Variants in POFUT3 observed in about 807,000 individuals in gnomAD.
POFUT3 encodes GDP-fucose protein O-fucosyltransferase 3.
the POFUT3 span, among the ~76,000 whole-genome samples, chr8:33,385,608 G>A: frequency 2.0e-5 from 3 of 152,140 alleles, no homozygotes; most frequent in African/African-American, 4.8e-5. Flanking sequence ...AAGGCAGGGC[G>A]CAGTGGCTCA....
the POFUT3 span, among the ~76,000 whole-genome samples, chr8:33,318,733 ATATATATTTATATAATATATAAATATAT>A: frequency 1.3e-5 from 1 of 74,264 alleles, no homozygotes; most frequent in African/African-American, 5.7e-5. Flanking sequence ...TATATATTTT[ATATATATTTATATAATATATAAATATAT>A]TGTATATATA....
chr8:33,393,619 T>G, the POFUT3 span, among the ~76,000 whole-genome samples: 2 of 152,180 alleles, frequency 1.3e-5, no homozygotes. Flanking sequence ...GAAGGCAACA[T>G]ACATTATTAA....
At chr8:33,363,333 G>A in the POFUT3 span, among the ~76,000 whole-genome samples, 5 of 152,008 alleles carry the variant, frequency 3.3e-5, no homozygotes, top group East Asian at 3.8e-4. Context: ...ATCTAAAATC[G>A]ACACCCTAAC....
the POFUT3 span, among the ~76,000 whole-genome samples, chr8:33,441,756 T>C: frequency 2.0e-5 from 3 of 152,312 alleles, no homozygotes; most frequent in South Asian, 4.1e-4. Flanking sequence ...ATGAGAGATA[T>C]AGTTGTCTGC....
chr8:33,428,228 A>G, the POFUT3 span, among the ~76,000 whole-genome samples: 1 of 152,166 alleles, frequency 6.6e-6, no homozygotes, highest in South Asian at 2.1e-4. Flanking sequence ...TTCTTCCTTC[A>G]ACCATGGAGT....
At chr8:33,315,080 C>T in the POFUT3 span, among the ~76,000 whole-genome samples, 4 of 152,138 alleles carry the variant, frequency 2.6e-5, no homozygotes, top group Non-Finnish European at 5.9e-5. Flanking sequence ...TAGCTAGGTG[C>T]CTGGCAAAGA....
the POFUT3 span, among the ~76,000 whole-genome samples, chr8:33,440,421 T>C: frequency 6.6e-6 from 1 of 152,188 alleles, no homozygotes; most frequent in Non-Finnish European, 1.5e-5. Context: ...GGTGGCATGC[T>C]GTGTACATAT....
At chr8:33,373,027 T>C in the POFUT3 span, among the ~76,000 whole-genome samples, 1 of 152,178 alleles carries the variant, frequency 6.6e-6, no homozygotes. Flanking sequence ...AAAAGTTACA[T>C]AAATTGCCCC....
the POFUT3 span, among the ~76,000 whole-genome samples, chr8:33,432,850 A>G: frequency 6.6e-6 from 1 of 152,216 alleles, no homozygotes; most frequent in Non-Finnish European, 1.5e-5. Flanking sequence ...ATGATAAAAT[A>G]ACCAAGGTCT....
chr8:33,338,163 T>C, the POFUT3 span, among the ~76,000 whole-genome samples: 152,129 of 152,320 alleles, frequency 1, 75,970 homozygotes, highest in Middle Eastern at 1. Flanking sequence ...TAGTCACATT[T>C]TGAGGTAGTG....
chr8:33,365,078 A>C, the POFUT3 span, among the ~76,000 whole-genome samples: 4 of 152,370 alleles, frequency 2.6e-5, no homozygotes, highest in East Asian at 7.7e-4. Flanking sequence ...CCAATGGAAC[A>C]GAACAGAGGC....
the POFUT3 span, among the ~76,000 whole-genome samples, chr8:33,365,406 A>C: frequency 6.6e-6 from 1 of 152,198 alleles, no homozygotes; most frequent in Non-Finnish European, 1.5e-5. Context: ...AAAATAGACA[A>C]ATGGAATCTA....
the POFUT3 span, among the ~76,000 whole-genome samples, chr8:33,403,442 G>A: frequency 6.6e-6 from 1 of 152,140 alleles, no homozygotes; most frequent in African/African-American, 2.4e-5. Context: ...TTGGCTGGCT[G>A]TAGTGGCTCA....
chr8:33,359,465 T>C, the POFUT3 span, among the ~76,000 whole-genome samples: 2 of 152,262 alleles, frequency 1.3e-5, no homozygotes, highest in South Asian at 2.1e-4. Flanking sequence ...TCCCACCCTA[T>C]AGAACAAAGG....
the POFUT3 span, among the ~76,000 whole-genome samples, chr8:33,395,363 G>C: frequency 6.6e-6 from 1 of 152,130 alleles, no homozygotes; most frequent in African/African-American, 2.4e-5. Flanking sequence ...TCTGAACATG[G>C]AGAGGAGAAG....
At chr8:33,466,707 A>C in the POFUT3 span, among the ~76,000 whole-genome samples, 2 of 152,196 alleles carry the variant, frequency 1.3e-5, no homozygotes, top group Non-Finnish European at 2.9e-5. Context: ...TGGGACAGGC[A>C]GACTTGCAGA....
the POFUT3 span, among the ~76,000 whole-genome samples, chr8:33,378,489 G>C: frequency 2.6e-5 from 4 of 152,240 alleles, no homozygotes; most frequent in East Asian, 5.8e-4. Flanking sequence ...TGGCTGCCAA[G>C]AGAAGAAGAG....
the POFUT3 span, among the ~76,000 whole-genome samples, chr8:33,380,146 TAC>T: frequency 4.4e-5 from 3 of 67,776 alleles, no homozygotes; most frequent in Non-Finnish European, 7.3e-5. Flanking sequence ...ACTATATATA[TAC>T]ACTATATATA....
chr8:33,390,261 GCAGT>G, the POFUT3 span, among the ~76,000 whole-genome samples: 3 of 151,922 alleles, frequency 2.0e-5, no homozygotes, highest in African/African-American at 7.3e-5. Context: ...AAAGTGCCTG[GCAGT>G]CAGTCACAAA....
Sources: allele counts gnomAD v4.1 joint callset (sites outside exome capture counted in the v4.1 genomes callset), GRCh38; gene constraint gnomAD v4.1.1; transcripts MANE v1.5; gene names NCBI Gene and HGNC (gene_info 2026-07-23, HGNC 2026-07-21).